SELENBP1: variants seen among roughly 807,000 people sequenced by gnomAD.
The protein encoded by SELENBP1 is methanethiol oxidase.
In SELENBP1, 71 loss-of-function variants were observed where a neutral mutation model predicts 61.0. The observed-to-expected ratio is 1.16, with a 90% CI of 0.96 to 1.42. SELENBP1 has a LOEUF of 1.42. SELENBP1 is among the 40% of genes most tolerant of loss of function. The probability of loss-of-function intolerance (pLI) is 0.00; values close to 1 mark genes in which losing one functional copy is unlikely to be tolerated. For missense variants in SELENBP1, 561 were observed against 605.0 expected (o/e 0.93, Z 0.76); for synonymous variants, 270 against 238.9 (o/e 1.13, Z -1.20).
chr1:151,369,347 G>C, intron 3 of SELENBP1, 95 bp downstream of exon 3: 1 of 1,416,502 alleles, frequency 7.1e-7, no homozygotes, highest in Admixed American at 2.0e-5. Context: ...TCCCCAGGGA[G>C]GGCCAAGAAG....
rs1034177948 is a variant in SELENBP1, at chr1:151,366,993, G to A, written c.482-89C>T. 3.1e-5 allele frequency: 48 copies of A among 1,538,376 alleles called. No individual in the cohort carries two copies. In the African/African-American group the frequency reaches 3.7e-4, roughly 12 times the overall value. On this transcript the variant is annotated intron_variant, in intron 5 of 11. Transcript: ENST00000368868. ...CCCTCTCCCCGAGGCATGTCTAAGAGGCTGTAAGCCCATTGCCTCTACCTC... is the reference window on the plus strand; with the variant it reads ...CCCTCTCCCCGAGGCATGTCTAAGAAGCTGTAAGCCCATTGCCTCTACCTC...
intron 2 of SELENBP1, 47 bp downstream of exon 2, chr1:151,369,666 T>C: frequency 1.9e-6 from 3 of 1,546,420 alleles, no homozygotes; most frequent in South Asian, 1.2e-5. Context: ...CACCCCCAGC[T>C]GTGGAATCAG....
rs183734705 is a variant in SELENBP1 at position 151,364,375 on chromosome 1, A to G, written c.*168T>C. 33 of 767,046 alleles carry G rather than the reference A, an allele frequency of 4.3e-5. No homozygotes were observed. In the East Asian group the frequency reaches 8.4e-4, roughly 20 times the overall value. 47.5% of individuals were successfully genotyped at this position (767,046 alleles called of 1,614,324 possible). On this transcript the variant is annotated 3_prime_UTR_variant, in exon 12 of 12. Transcript: ENST00000368868. ...ATGGAAAAGCAGCACAGTGAGCAAC[A>G]AGCAACAGTGGTCAGTAAATGTATA... is the stretch of plus-strand genomic sequence containing the variant.
chr1:151,366,746 A>G lies in SELENBP1; in HGVS notation c.640T>C (p.Phe214Leu), dbSNP rs771927771. 15 of 1,614,094 alleles carry G rather than the reference A, an allele frequency of 9.3e-6. No homozygotes were observed. In the Admixed American group the frequency reaches 2.3e-4, roughly 25 times the overall value. The change falls in exon 6 of 12, where the codon TTC (phenylalanine) becomes CTC (leucine). Residue 214 changes from phenylalanine to leucine, a missense_variant. Transcript: ENST00000368868. ...WAAPNVLRDG[F>L]NPADVEAGLY... ...CCAGCCTCCACATCAGCGGGGTTGAAGCCATCTCGTAAGACATTGGGAGCT... is the reference window on the plus strand; with the variant it reads ...CCAGCCTCCACATCAGCGGGGTTGAGGCCATCTCGTAAGACATTGGGAGCT...
intron 1 of SELENBP1, among the ~76,000 whole-genome samples, chr1:151,370,451 A>G (rs1024999318): frequency 6.6e-6 from 1 of 152,166 alleles, no homozygotes; most frequent in Non-Finnish European, 1.5e-5. Context: ...ACCAACTGGA[A>G]GTCCTCAGGC....
rs1283058110 is a variant in SELENBP1, at chr1:151,366,416, C to A, written c.702G>T (p.Gln234His). The A allele has an allele frequency of 1.2e-6, 2 of 1,614,014 alleles. No individual in the cohort carries two copies. Among genetic ancestry groups the A allele is most frequent in the South Asian group, 2.2e-5 (2 of 91,086 alleles). The change falls in exon 7 of 12, where the codon CAG becomes CAT. Residue 234 changes from glutamine (Q) to histidine (H), a missense_variant. By Grantham distance (24) the Gln-to-His change is conservative. Transcript: ENST00000368868. ...YGSHLYVWDWQRHEIVQTLSL... is the reference protein window; with the variant it reads ...YGSHLYVWDWHRHEIVQTLSL... ...ACAGGGTCTGCACAATCTCATGGCG[C>A]TGCCAGTCCCATACATATAAGTGGC...
intron 6 of SELENBP1, 70 bp from the exon 7 acceptor site, chr1:151,366,523 C>T: frequency 1.3e-6 from 2 of 1,544,966 alleles, no homozygotes; most frequent in Non-Finnish European, 1.8e-6. Flanking sequence ...AAGACTGGGC[C>T]ACCAATCAGG....
At position 151,372,292 on chromosome 1, in the gene SELENBP1, T is replaced by A. The variant is rs575634506; in HGVS notation, c.4+346A>T. 1.3e-3 allele frequency among the ~76,000 whole-genome samples: 197 copies of A among 152,288 alleles called. 1 individual carries two copies. Among genetic ancestry groups the A allele is most frequent in the African/African-American group, 4.6e-3 (193 of 41,562 alleles). Reference sequence around the variant, plus strand: ...GCTGAAATCAGGATCACCTCTCTACTATGTGAGGGCCAGGGACCTAGTGGT... The same window carrying A: ...GCTGAAATCAGGATCACCTCTCTACAATGTGAGGGCCAGGGACCTAGTGGT... On this transcript the variant is annotated intron_variant, in intron 1 of 11. Coordinates refer to ENST00000368868, the MANE Select transcript of SELENBP1 (RefSeq NM_003944.4).
intron 9 of SELENBP1, 104 bp from the exon 10 acceptor site, chr1:151,365,385 G>T (rs1557842486): frequency 1.4e-6 from 2 of 1,457,250 alleles, no homozygotes; most frequent in African/African-American, 1.4e-5. Context: ...TTTCAGACAT[G>T]CTCTGCATGC....
At chr1:151,367,966 C>T (rs895777203) in intron 5 of SELENBP1, among the ~76,000 whole-genome samples, 9 of 152,212 alleles carry the variant, frequency 5.9e-5, no homozygotes, top group Non-Finnish European at 1.0e-4. Flanking sequence ...AACACCTGGC[C>T]TGTTTTGACT....
rs1651956169 is a variant in SELENBP1 at position 151,368,233 on chromosome 1, G to A, written c.447C>T (p.Ile149=). ...TGCCCTTGACGTCTCCCAGGGAGCT[G>A]ATCATCACTTCCCCGCTGGCCAGGC... ...SHCLASGEVM[I]SSLGDVKGNG... is the part of the protein sequence containing the mutation. The change falls in exon 5 of 12, where the codon ATC becomes ATT. Residue 149 remains isoleucine, a synonymous_variant. Transcript: ENST00000368868. The A allele has an allele frequency of 1.2e-6, 2 of 1,614,136 alleles. No individual in the cohort carries two copies. The highest frequency in any genetic ancestry group is 1.7e-6 in the Non-Finnish European group (2 of 1,180,014).
chr1:151,369,392 A>G, intron 3 of SELENBP1, 50 bp downstream of exon 3: 1 of 1,543,004 alleles, frequency 6.5e-7, no homozygotes, highest in South Asian at 1.2e-5. Context: ...AGGGCCAGGG[A>G]TGAGGGCAGC....
intron 2 of SELENBP1, 78 bp downstream of exon 2, chr1:151,369,635 G>A (rs1407491078): frequency 6.5e-7 from 1 of 1,546,518 alleles, no homozygotes; most frequent in East Asian, 2.4e-5. Context: ...CAGAGGGTGG[G>A]GGCTAGGTCT....
rs189706623 is a variant in SELENBP1 at position 151,372,538 on chromosome 1, C to T, written c.4+100G>A. The T allele has an allele frequency of 6.7e-6, 10 of 1,488,082 alleles. No homozygotes were observed. In the African/African-American group the frequency reaches 1.4e-4, roughly 21 times the overall value. The allele number at this position is 1,488,082 out of a possible 1,614,324, so 92.2% of individuals were successfully genotyped here. On this transcript the variant is annotated intron_variant, in intron 1 of 11. Coordinates refer to ENST00000368868, the MANE Select transcript of SELENBP1 (RefSeq NM_003944.4). ...GAAGCAGAGTCCACTACTCCCTCCCCAGCTCCCCACTCAGGTTTTCTAGCA... is the reference window on the plus strand; with the variant it reads ...GAAGCAGAGTCCACTACTCCCTCCCTAGCTCCCCACTCAGGTTTTCTAGCA...
intron 10 of SELENBP1, 29 bp downstream of exon 10, chr1:151,365,160 G>T (rs765518580): frequency 6.2e-7 from 1 of 1,603,434 alleles, no homozygotes; most frequent in Admixed American, 1.7e-5. Context: ...GGTCTGAGGG[G>T]TCCAGCAAGT....
In SELENBP1 at chr1:151,369,554, C is replaced by T; in HGVS notation, c.62G>A (p.Gly21Glu). The T allele has an allele frequency of 6.2e-7, 1 of 1,603,138 alleles. No homozygotes were observed. Among genetic ancestry groups the T allele is most frequent in the Non-Finnish European group, 8.5e-7 (1 of 1,175,238 alleles). The part of the protein sequence containing the change: ...GYSTPLEAMK[G>E]PREEIVYLPC... ...CAGGTAGACGATCTCTTCCCTGGGT[C>T]CTGCACGGTAGAAAGCAGGCAGCAG... is the stretch of plus-strand genomic sequence containing the variant. The change falls in exon 3 of 12, where the codon GGA (glycine) becomes GAA (glutamate). Residue 21 changes from glycine (G) to glutamate (E), a missense_variant and splice_region_variant. Transcript: ENST00000368868.
intron 1 of SELENBP1, among the ~76,000 whole-genome samples, chr1:151,372,024 G>A (rs2102103375): frequency 6.6e-6 from 1 of 152,352 alleles, no homozygotes; most frequent in Non-Finnish European, 1.5e-5. Context: ...AGCGGGGAAG[G>A]ACCTCCCAAC....
At chr1:151,367,923 T>G (rs913477221) in intron 5 of SELENBP1, among the ~76,000 whole-genome samples, 1 of 152,214 alleles carries the variant, frequency 6.6e-6, no homozygotes, top group African/African-American at 2.4e-5. Context: ...GGCCTCGGCC[T>G]CTTGAAGTGC....
intron 5 of SELENBP1, chr1:151,367,148 G>C: frequency 1.1e-6 from 1 of 923,296 alleles, no homozygotes. Flanking sequence ...TTCAGGATCA[G>C]CCTGGCCAAC....
Sources: allele counts gnomAD v4.1 joint callset (sites outside exome capture counted in the v4.1 genomes callset), GRCh38; gene constraint gnomAD v4.1.1; transcripts MANE v1.5; gene names NCBI Gene and HGNC (gene_info 2026-07-23, HGNC 2026-07-21).